The following CAMKMT variants were observed in gnomAD, a reference collection of about 807,000 sequenced individuals.
The protein encoded by CAMKMT is CaM KMT.
Under a neutral mutation model 48.0 loss-of-function variants are expected in CAMKMT, and 53 were observed. The observed-to-expected ratio is 1.10, with a 90% CI of 0.89 to 1.39. The LOEUF (loss-of-function observed/expected upper bound fraction) is 1.39. CAMKMT is among the 40% of genes most tolerant of loss of function. The probability of loss-of-function intolerance (pLI) is 0.00; values close to 1 mark genes in which losing one functional copy is unlikely to be tolerated. For synonymous variants in CAMKMT, 165 were observed against 152.3 expected, an observed-to-expected ratio of 1.08 and a Z score of -0.61; for missense variants, 428 against 402.7, an observed-to-expected ratio of 1.06 and a Z score of -0.54.
In CAMKMT at chr2:44,436,002, G is replaced by A. The variant is rs1192176751; in HGVS notation, c.376+45697G>A. On this transcript the variant is annotated intron_variant, in intron 3 of 10. Coordinates refer to ENST00000378494, the MANE Select transcript of CAMKMT (RefSeq NM_024766.5). Reference sequence around the variant, plus strand: ...TTACAAATGATTAAACAAAGGCTCTGTGAGGTTAAGGAGATACCCAAGGTC... The same window carrying A: ...TTACAAATGATTAAACAAAGGCTCTATGAGGTTAAGGAGATACCCAAGGTC... 5.3e-5 allele frequency among the ~76,000 whole-genome samples: 8 copies of A among 152,296 alleles called. No individual in the cohort carries two copies. In the South Asian group the frequency reaches 6.2e-4, roughly 12 times the overall value.
intron 7 of CAMKMT, among the ~76,000 whole-genome samples, chr2:44,719,626 G>A (rs1678356108): frequency 6.6e-6 from 1 of 152,158 alleles, no homozygotes; most frequent in South Asian, 2.1e-4. Context: ...AGAACATTTT[G>A]AAAGACATGA....
At chr2:44,530,237 G>A (rs186884762) in intron 3 of CAMKMT, among the ~76,000 whole-genome samples, 9 of 152,246 alleles carry the variant, frequency 5.9e-5, no homozygotes, top group Admixed American at 5.9e-4. Flanking sequence ...TTAATTACAA[G>A]GGCTTGTTAA....
chr2:44,453,914 A>G (rs1471164248), intron 3 of CAMKMT, among the ~76,000 whole-genome samples: 1 of 152,094 alleles, frequency 6.6e-6, no homozygotes, highest in Non-Finnish European at 1.5e-5. Context: ...AGTAGTTTTA[A>G]GAAATAAGAT....
chr2:44,402,126 A>T (rs1682429002), intron 3 of CAMKMT, among the ~76,000 whole-genome samples: 1 of 152,192 alleles, frequency 6.6e-6, no homozygotes. Flanking sequence ...TGGGCGTTCG[A>T]GACCAGCCTG....
intron 3 of CAMKMT, among the ~76,000 whole-genome samples, chr2:44,438,063 A>T (rs1014276930): frequency 2.0e-5 from 3 of 152,124 alleles, no homozygotes; most frequent in Non-Finnish European, 4.4e-5. Flanking sequence ...TCTTGGCAGT[A>T]ACTCTTTGAG....
At chr2:44,443,938 G>T (rs537646284) in intron 3 of CAMKMT, among the ~76,000 whole-genome samples, 5 of 152,144 alleles carry the variant, frequency 3.3e-5, no homozygotes, top group African/African-American at 4.8e-5. Flanking sequence ...AAGTGCAAAG[G>T]CTTTTAAATG....
Position 44,590,590 on chromosome 2 carries a change from T to G in CAMKMT, c.377-113693T>G, listed in dbSNP as rs187779008. Among the ~76,000 whole-genome samples, 1,243 of 152,336 alleles carry G rather than the reference T, an allele frequency of 8.2e-3. 15 individuals carry two copies. The highest frequency in any genetic ancestry group is 0.011 in the Non-Finnish European group (720 of 68,030). ...GTGTCTGTTCATGTCCTTCACCCACTTTTTGATGGGGTTGTTTGTTTTTTT... is the reference window on the plus strand; with the variant it reads ...GTGTCTGTTCATGTCCTTCACCCACGTTTTGATGGGGTTGTTTGTTTTTTT... On this transcript the variant is annotated intron_variant, in intron 3 of 10. Transcript: ENST00000378494.
chr2:44,736,971 G>T (rs915021248), intron 7 of CAMKMT, among the ~76,000 whole-genome samples: 7 of 152,000 alleles, frequency 4.6e-5, no homozygotes, highest in African/African-American at 1.4e-4. Context: ...TTTCGATTGA[G>T]TTCAGTTGTT....
intron 3 of CAMKMT, among the ~76,000 whole-genome samples, chr2:44,445,645 GTTTTTTTTTTTTTTTTTTTTTTTTTTTT>G (rs869258613): frequency 0.07 from 7,047 of 101,334 alleles, 390 homozygotes; most frequent in South Asian, 0.14. Flanking sequence ...CAAAAGGGTA[GTTTTTTTTTTTTTTTTTTTTTTTTTTTT>G]TTTTTTTTTT....
At chr2:44,449,159 CA>C (rs1558624335) in intron 3 of CAMKMT, among the ~76,000 whole-genome samples, 2 of 152,058 alleles carry the variant, frequency 1.3e-5, no homozygotes, top group Non-Finnish European at 2.9e-5. Flanking sequence ...AAAGACAAAA[CA>C]AAACTTCAAT....
intron 3 of CAMKMT, among the ~76,000 whole-genome samples, chr2:44,624,554 A>G (rs1375061575): frequency 1.3e-5 from 2 of 151,788 alleles, no homozygotes; most frequent in Admixed American, 1.3e-4. Flanking sequence ...TTCAGTTCCT[A>G]CCTATGAGTG....
chr2:44,660,886 C>G (rs535472849), intron 3 of CAMKMT, among the ~76,000 whole-genome samples: 16 of 152,300 alleles, frequency 1.1e-4, no homozygotes, highest in East Asian at 1.9e-4. Flanking sequence ...GCCACCACAC[C>G]TGGCCAGGCC....
intron 3 of CAMKMT, among the ~76,000 whole-genome samples, chr2:44,480,188 C>T (rs983847460): frequency 1.2e-4 from 19 of 152,110 alleles, no homozygotes; most frequent in African/African-American, 4.3e-4. Flanking sequence ...TTGAAACATA[C>T]TGTAGTTTCT....
intron 2 of CAMKMT, among the ~76,000 whole-genome samples, chr2:44,373,680 G>A (rs786612): frequency 6.6e-6 from 1 of 151,874 alleles, no homozygotes; most frequent in Non-Finnish European, 1.5e-5. Context: ...TTTCACAAAG[G>A]GTATCTTTTT....
At chr2:44,413,711 C>T (rs76694337) in intron 3 of CAMKMT, among the ~76,000 whole-genome samples, 2,896 of 150,816 alleles carry the variant, frequency 0.019, 103 homozygotes, top group African/African-American at 0.067. Context: ...GAAATATATA[C>T]ATTTGTTGAA....
chr2:44,672,628 C>T (rs1313175509), intron 3 of CAMKMT, among the ~76,000 whole-genome samples: 1 of 152,050 alleles, frequency 6.6e-6, no homozygotes, highest in African/African-American at 2.4e-5. Context: ...GAGACTATGC[C>T]CCGGGAGTAT....
chr2:44,535,014 GGAGAGA>G (rs151262006), intron 3 of CAMKMT, among the ~76,000 whole-genome samples: 1 of 148,692 alleles, frequency 6.7e-6, no homozygotes, highest in Non-Finnish European at 1.5e-5. Context: ...GGGGAGAGGG[GGAGAGA>G]GAGAGAGAGA....
intron 7 of CAMKMT, among the ~76,000 whole-genome samples, chr2:44,726,299 T>G (rs889120382): frequency 6.6e-6 from 1 of 152,210 alleles, no homozygotes; most frequent in Admixed American, 6.5e-5. Context: ...CTATTGTATC[T>G]TGACCTTTTA....
At chr2:44,490,923 G>A (rs1305523217) in intron 3 of CAMKMT, among the ~76,000 whole-genome samples, 1 of 152,102 alleles carries the variant, frequency 6.6e-6, no homozygotes, top group East Asian at 1.9e-4. Flanking sequence ...TCCGAGGTGG[G>A]TGAATCAGTT....
Sources: allele counts gnomAD v4.1 joint callset (sites outside exome capture counted in the v4.1 genomes callset), GRCh38; gene constraint gnomAD v4.1.1; transcripts MANE v1.5; gene names NCBI Gene and HGNC (gene_info 2026-07-23, HGNC 2026-07-21).